The following DOP1A variants were observed in gnomAD, a reference collection of about 807,000 sequenced individuals.
DOP1A encodes the protein protein DOP1A.
A neutral mutation model predicts 267.6 loss-of-function variants in DOP1A; 90 were observed. The ratio of observed to expected loss-of-function variants is 0.34; its 90% confidence interval spans 0.28 to 0.40. DOP1A has a LOEUF of 0.40. Among genes scored for constraint, DOP1A ranks in the 10% least tolerant of loss-of-function variants. The pLI, the probability that DOP1A is intolerant of heterozygous loss-of-function variation, is 1.00. For synonymous variants in DOP1A, 932 were observed against 999.1 expected (o/e 0.93, Z 1.27); for missense variants, 2,437 against 2,900.4 (o/e 0.84, Z 3.67).
intron 4 of DOP1A, among the ~76,000 whole-genome samples, chr6:83,107,270 A>C (rs1254612769): frequency 6.6e-6 from 1 of 152,182 alleles, no homozygotes; most frequent in Non-Finnish European, 1.5e-5. Flanking sequence ...AAGATAATGG[A>C]TGAAGCAGGT....
chr6:83,131,834 G>C (rs563144815), intron 17 of DOP1A, among the ~76,000 whole-genome samples: 1 of 151,722 alleles, frequency 6.6e-6, no homozygotes, highest in Non-Finnish European at 1.5e-5. Context: ...ACAAGGTTTC[G>C]CCACGTTGGC....
At chr6:83,067,842 C>CA (rs1437648378) in intron 1 of DOP1A, 63 bp downstream of exon 1, 2 of 152,322 alleles carry the variant, frequency 1.3e-5, no homozygotes, top group Non-Finnish European at 1.5e-5. Flanking sequence ...GCATCCTTCT[C>CA]GGCCCGGCTA....
intron 4 of DOP1A, among the ~76,000 whole-genome samples, chr6:83,103,133 A>T (rs1772904561): frequency 6.6e-6 from 1 of 152,114 alleles, no homozygotes; most frequent in African/African-American, 2.4e-5. Flanking sequence ...TATTTGTTGG[A>T]CTTTAAAAAA....
chr6:83,152,550 A>G (rs979014450), intron 30 of DOP1A, among the ~76,000 whole-genome samples, 183 bp downstream of exon 30: 2 of 151,632 alleles, frequency 1.3e-5, no homozygotes, highest in Non-Finnish European at 2.9e-5. Context: ...TTTGCCAAAC[A>G]TTAGTGATAA....
rs1357177423 is a variant in DOP1A at position 83,125,749 on chromosome 6, A to G, written c.1719+16A>G. ...AGACAAAAAGGTAATTTTAACTATT[A>G]TTTTTGGTATTAGACTGTTCATATT... On this transcript the variant is annotated intron_variant, in intron 15 of 38. Transcript: ENST00000349129. The G allele has an allele frequency of 7.5e-6, 12 of 1,592,484 alleles. No individual in the cohort carries two copies. Among genetic ancestry groups the G allele is most frequent in the Non-Finnish European group, 1.0e-5 (12 of 1,162,534 alleles).
chr6:83,138,126 A>C lies in DOP1A; in HGVS notation c.4084A>C (p.Ile1362Leu). The change falls in exon 21 of 39, where the codon ATT becomes CTT. Residue 1362 changes from isoleucine (I) to leucine (L), a missense_variant. Transcript: ENST00000349129. ...ATCTCGAAAATCTCCCAATTTCAACATTCATCCTCTCTATCAACATGTGCT... is the reference window on the plus strand; with the variant it reads ...ATCTCGAAAATCTCCCAATTTCAACCTTCATCCTCTCTATCAACATGTGCT... ...PGSRKSPNFN[I>L]HPLYQHVLLY... 1 of 1,613,944 alleles carries C rather than the reference A, an allele frequency of 6.2e-7. No individual in the cohort carries two copies. The highest frequency in any genetic ancestry group is 8.5e-7 in the Non-Finnish European group (1 of 1,179,902).
chr6:83,087,912 C>G (rs1454653980), intron 1 of DOP1A, among the ~76,000 whole-genome samples: 1 of 152,148 alleles, frequency 6.6e-6, no homozygotes, highest in South Asian at 2.1e-4. Flanking sequence ...TGCTTTGTTG[C>G]CCGGGCTGGA....
Position 83,162,782 on chromosome 6 carries a change from A to G in DOP1A, c.6963-8A>G. The G allele has an allele frequency of 1.2e-6, 2 of 1,608,260 alleles. No homozygotes were observed. Among genetic ancestry groups the G allele is most frequent in the South Asian group, 1.1e-5 (1 of 90,326 alleles). On this transcript the variant is annotated splice_region_variant and splice_polypyrimidine_tract_variant and intron_variant, in intron 37 of 38. Transcript: ENST00000349129. ...TTACTGATGCTGATGTCATTATTCT[A>G]TACATAGGTACCGATGGGCCTTTAT...
chr6:83,125,392 A>G lies in DOP1A; in HGVS notation c.1486-108A>G. ...AGTGTTAATTAAGAGCATGATGCAT[A>G]TAAAACATTATGGATGAGTAAAATC... On this transcript the variant is annotated intron_variant, in intron 14 of 38. Coordinates refer to ENST00000349129, the MANE Select transcript of DOP1A (RefSeq NM_015018.4). 4.5e-6 allele frequency: 5 copies of G among 1,104,508 alleles called. No homozygotes were observed. In the South Asian group the frequency reaches 4.7e-5, roughly 10 times the overall value. The allele number at this position is 1,104,508 out of a possible 1,614,324, so 68.4% of individuals were successfully genotyped here.
rs557782883 is a variant in DOP1A, at chr6:83,167,122, C to A, written c.7093-740C>A. The A allele has an allele frequency of 2.4e-5, 23 of 962,008 alleles. No homozygotes were observed. In the African/African-American group the frequency reaches 3.7e-4, roughly 15 times the overall value. The allele number at this position is 962,008 out of a possible 1,614,324, so 59.6% of individuals were successfully genotyped here. ...TTTAGTTGACAGAGTTTTCACATACCTTCTCATTTGACTTCTCTACTAAAA... is the reference window on the plus strand; with the variant it reads ...TTTAGTTGACAGAGTTTTCACATACATTCTCATTTGACTTCTCTACTAAAA... On this transcript the variant is annotated intron_variant, in intron 38 of 38. Coordinates refer to ENST00000349129, the MANE Select transcript of DOP1A (RefSeq NM_015018.4).
intron 4 of DOP1A, among the ~76,000 whole-genome samples, chr6:83,106,789 C>A (rs991958745): frequency 1.5e-5 from 2 of 136,536 alleles, no homozygotes; most frequent in Non-Finnish European, 3.1e-5. Flanking sequence ...GCATGGGCAA[C>A]AGAGTGAGAG....
chr6:83,153,371 TAAAA>T, intron 30 of DOP1A, 136 bp from the exon 31 acceptor site: 4 of 512,152 alleles, frequency 7.8e-6, no homozygotes. Context: ...CTCATTAACA[TAAAA>T]ATGATTCAGG....
At chr6:83,110,414 A>G (rs1774353653) in intron 6 of DOP1A, 100 bp downstream of exon 6, 4 of 1,174,432 alleles carry the variant, frequency 3.4e-6, no homozygotes, top group Middle Eastern at 2.5e-4. Context: ...CAAAGTTCCT[A>G]TTTTCATCGA....
intron 6 of DOP1A, among the ~76,000 whole-genome samples, chr6:83,112,018 T>G (rs1774640836): frequency 6.6e-6 from 1 of 151,824 alleles, no homozygotes; most frequent in South Asian, 2.1e-4. Flanking sequence ...ACTGCCAAAC[T>G]ATTTTCCAAA....
Position 83,100,864 on chromosome 6 carries a change from G to A in DOP1A, c.298G>A (p.Ala100Thr). ...IFKIIGPKRL[A>T]KDLFLYSSGL... Reference sequence around the variant, plus strand: ...CAAAATAATTGGACCTAAGCGACTTGCCAAAGATCTTTTTTTATATAGGTA... The same window carrying A: ...CAAAATAATTGGACCTAAGCGACTTACCAAAGATCTTTTTTTATATAGGTA... The change falls in exon 4 of 39, where the codon GCC becomes ACC. Residue 100 changes from alanine to threonine, a missense_variant. Ala to Thr is a moderately conservative substitution (Grantham distance 58). Coordinates refer to ENST00000349129, the MANE Select transcript of DOP1A (RefSeq NM_015018.4). 1 of 1,546,754 alleles carries A rather than the reference G, an allele frequency of 6.5e-7. No individual in the cohort carries two copies.
intron 8 of DOP1A, 146 bp downstream of exon 8, chr6:83,119,133 AG>A: frequency 1.6e-6 from 1 of 638,826 alleles, no homozygotes; most frequent in East Asian, 2.8e-5. Context: ...AAACAGTATT[AG>A]TTGTGTATTG....
At chr6:83,102,414 C>T (rs1772756427) in intron 4 of DOP1A, among the ~76,000 whole-genome samples, 1 of 152,112 alleles carries the variant, frequency 6.6e-6, no homozygotes, top group Non-Finnish European at 1.5e-5. Context: ...TCCTCACTTG[C>T]ACAACAGAAA....
Position 83,157,214 on chromosome 6 carries a change from G to T in DOP1A, c.6637G>T (p.Val2213Leu). ...RLVESLRLPQ[V>L]PTLHSQVFLF... Reference sequence around the variant, plus strand: ...GGTTGAGAGTCTCCGTTTGCCACAGGTGCCAACTCTCCATTCTCAAGTGTT... The same window carrying T: ...GGTTGAGAGTCTCCGTTTGCCACAGTTGCCAACTCTCCATTCTCAAGTGTT... Residue 2213 changes from valine (V) to leucine (L), a missense_variant, in exon 35 of 39, where the codon GTG becomes TTG. By Grantham distance (32) the Val-to-Leu change is conservative. This residue lies in a region of DOP1A where 75 missense variants were observed against 149.6 expected (regional missense o/e 0.50). Coordinates refer to ENST00000349129, the MANE Select transcript of DOP1A (RefSeq NM_015018.4). 6.2e-7 allele frequency: 1 copy of T among 1,613,900 alleles called. No homozygotes were observed. The highest frequency in any genetic ancestry group is 8.5e-7 in the Non-Finnish European group (1 of 1,179,954).
At chr6:83,079,787 A>G (rs1288829462) in intron 1 of DOP1A, among the ~76,000 whole-genome samples, 3 of 152,172 alleles carry the variant, frequency 2.0e-5, no homozygotes, top group Admixed American at 1.3e-4. Context: ...TAAATGAAGA[A>G]TGATAGCTAC....
Sources: gnomAD v4.1 joint callset for allele counts (sites outside exome capture counted in the v4.1 genomes callset) on GRCh38, gnomAD v4.1.1 for gene constraint, gnomAD v4.1.1 regional missense constraint, MANE v1.5 for transcripts, NCBI Gene and HGNC (gene_info 2026-07-23, HGNC 2026-07-21) for gene names.